The following CSPP1 variants were observed in gnomAD, a reference collection of about 807,000 sequenced individuals.
The protein encoded by CSPP1 is centrosome and spindle pole associated protein 1.
A neutral mutation model predicts 164.4 loss-of-function variants in CSPP1; 126 were observed. The observed-to-expected ratio is 0.77, with a 90% CI of 0.66 to 0.89. CSPP1 has a LOEUF of 0.89. Ranked by LOEUF, CSPP1 falls within the 40% of genes least tolerant of loss-of-function variation. CSPP1 has a pLI of 0.00. For missense variants in CSPP1, 1,395 were observed against 1,449.8 expected, an observed-to-expected ratio of 0.96 and a Z score of 0.61; for synonymous variants, 472 against 476.7, an observed-to-expected ratio of 0.99 and a Z score of 0.13.
intron 12 of CSPP1, among the ~76,000 whole-genome samples, chr8:67,115,433 A>G (rs773304371): frequency 2.0e-5 from 3 of 152,140 alleles, no homozygotes; most frequent in Non-Finnish European, 1.5e-5. Context: ...TAATTCCAGC[A>G]CTCTGGGAGG....
At chr8:67,124,524 A>G (rs984472509) in intron 15 of CSPP1, among the ~76,000 whole-genome samples, 18 of 152,132 alleles carry the variant, frequency 1.2e-4, no homozygotes, top group African/African-American at 4.3e-4. Context: ...TTTTTGAGAT[A>G]GGGTCTTACT....
At chr8:67,086,718 ATGTT>A (rs1170469473) in intron 4 of CSPP1, 9 of 485,014 alleles carry the variant, frequency 1.9e-5, no homozygotes, top group Non-Finnish European at 3.4e-5. Flanking sequence ...TTACTGCTTT[ATGTT>A]TGTTCCAAGT....
chr8:67,160,379 C>T (rs1459106470), intron 21 of CSPP1, among the ~76,000 whole-genome samples: 4 of 150,972 alleles, frequency 2.6e-5, no homozygotes, highest in South Asian at 2.1e-4. Context: ...GCAAGAGAAT[C>T]GCCTGAACTT....
Position 67,095,608 on chromosome 8 carries a change from C to A in CSPP1, c.799C>A (p.Arg267Ser), listed in dbSNP as rs114953032. Residue 267 changes from arginine to serine, a missense_variant, in exon 7 of 31, where the codon CGT becomes AGT. Physicochemically the swap from Arg to Ser is moderately radical, Grantham distance 110 (BLOSUM62 -1). Coordinates refer to ENST00000678616, the MANE Select transcript of CSPP1 (RefSeq NM_001382391.1). The stretch of plus-strand genomic sequence containing the variant: ...AAGATTTCACAGATTTAATGAGGAT[C>A]GTGTTTTTGATAGACGGTATCATAG... ...DRRFHRFNED[R>S]VFDRRYHRPD... The A allele has an allele frequency of 6.2e-7, 1 of 1,613,710 alleles. No individual in the cohort carries two copies. Among genetic ancestry groups the A allele is most frequent in the East Asian group, 2.2e-5 (1 of 44,852 alleles).
At chr8:67,085,887 C>T in intron 3 of CSPP1, 120 bp from the exon 4 acceptor site, 1 of 616,788 alleles carries the variant, frequency 1.6e-6, no homozygotes. Context: ...AAAAACTTAC[C>T]CTAATCCTAC....
At chr8:67,179,967 T>G (rs1586789557) in intron 28 of CSPP1, 41 bp downstream of exon 28, 1 of 1,163,164 alleles carries the variant, frequency 8.6e-7, no homozygotes, top group East Asian at 2.4e-5. Context: ...TGTTTAAATA[T>G]TAAACCTTTC....
intron 17 of CSPP1, among the ~76,000 whole-genome samples, chr8:67,146,893 A>T (rs1824701248): frequency 6.6e-6 from 1 of 152,248 alleles, no homozygotes. Context: ...TCTTGACCAA[A>T]GTGCCTTTTT....
chr8:67,111,166 A>G (rs1287818647), intron 9 of CSPP1, among the ~76,000 whole-genome samples: 1 of 152,172 alleles, frequency 6.6e-6, no homozygotes, highest in African/African-American at 2.4e-5. Context: ...CAGATCTTGC[A>G]TATTTAGATT....
intron 3 of CSPP1, among the ~76,000 whole-genome samples, chr8:67,081,358 A>C (rs1263857692): frequency 6.7e-6 from 1 of 149,546 alleles, no homozygotes; most frequent in Non-Finnish European, 1.5e-5. Flanking sequence ...CAAAGGATTC[A>C]ATTTTTTTTT....
At chr8:67,171,538 A>G (rs1830464312) in intron 24 of CSPP1, among the ~76,000 whole-genome samples, 1 of 151,870 alleles carries the variant, frequency 6.6e-6, no homozygotes. Context: ...ACACACTATC[A>G]TGCTTGACTA....
Position 67,113,880 on chromosome 8 carries a change from CT to C in CSPP1, c.1245+22del. On this transcript the variant is annotated intron_variant, in intron 11 of 30. Transcript: ENST00000678616. Reference sequence around the variant, plus strand: ...AGAAATCGGTAAGGGTTTCTGGCATCTTTTAATGTTTAATCTTTCATCAAAT... The same window carrying C: ...AGAAATCGGTAAGGGTTTCTGGCATCTTTAATGTTTAATCTTTCATCAAAT... The C allele has an allele frequency of 6.7e-7, 1 of 1,485,560 alleles. No homozygotes were observed. The highest frequency in any genetic ancestry group is 9.3e-7 in the Non-Finnish European group (1 of 1,072,730). The allele number at this position is 1,485,560 out of a possible 1,614,324, so 92.0% of individuals were successfully genotyped here.
chr8:67,069,005 A>G (rs1806159291), intron 1 of CSPP1: 1 of 152,204 alleles, frequency 6.6e-6, no homozygotes, highest in South Asian at 2.1e-4. Flanking sequence ...CCCCACTTCT[A>G]ACAGTGTTCA....
intron 17 of CSPP1, among the ~76,000 whole-genome samples, chr8:67,145,884 G>C (rs1215551381): frequency 2.0e-5 from 3 of 151,886 alleles, no homozygotes; most frequent in South Asian, 4.2e-4. Flanking sequence ...CTTATTTTCT[G>C]TGCATTTAAG....
intron 7 of CSPP1, among the ~76,000 whole-genome samples, chr8:67,097,939 G>A (rs140053548): frequency 7.3e-4 from 110 of 150,112 alleles, no homozygotes; most frequent in Admixed American, 2.7e-3. Context: ...TTTTTATTTC[G>A]TTTTTATATA....
In CSPP1 at chr8:67,149,831, C is replaced by T; in HGVS notation, c.2024C>T (p.Pro675Leu). 6.2e-7 allele frequency: 1 copy of T among 1,603,680 alleles called. No homozygotes were observed. Among genetic ancestry groups the T allele is most frequent in the Non-Finnish European group, 8.5e-7 (1 of 1,175,790 alleles). Residue 675 changes from proline to leucine, a missense_variant, in exon 18 of 31, where the codon CCA (proline) becomes CTA (leucine). Coordinates refer to ENST00000678616, the MANE Select transcript of CSPP1 (RefSeq NM_001382391.1). Reference protein sequence around the residue: ...HRQNIDAYHNPDARTYEDKRA... With the variant: ...HRQNIDAYHNLDARTYEDKRA... ...CAAAATATAGATGCCTACCATAACCCAGATGCAAGAACATATGAAGATAAA... is the reference window on the plus strand; with the variant it reads ...CAAAATATAGATGCCTACCATAACCTAGATGCAAGAACATATGAAGATAAA...
In CSPP1 at chr8:67,112,080, G is replaced by T; in HGVS notation, c.1187+15G>T. ...AACAAGAGACGGTAATGAAAGGTTT[G>T]CATTTAAAAGAGATATTTTGAGTTT... On this transcript the variant is annotated intron_variant, in intron 10 of 30. Transcript: ENST00000678616. 1 of 1,568,024 alleles carries T rather than the reference G, an allele frequency of 6.4e-7. No homozygotes were observed. The highest frequency in any genetic ancestry group is 1.1e-5 in the South Asian group (1 of 88,492).
At chr8:67,168,852 G>A (rs1394573797) in intron 24 of CSPP1, among the ~76,000 whole-genome samples, 2 of 152,162 alleles carry the variant, frequency 1.3e-5, no homozygotes, top group Non-Finnish European at 2.9e-5. Context: ...ATAACTATTA[G>A]CATTAATGGA....
intron 17 of CSPP1, among the ~76,000 whole-genome samples, chr8:67,139,285 A>G (rs1190778038): frequency 1.3e-5 from 2 of 152,202 alleles, no homozygotes; most frequent in Non-Finnish European, 2.9e-5. Flanking sequence ...AATCAAAACC[A>G]CAATGAGATA....
intron 18 of CSPP1, among the ~76,000 whole-genome samples, chr8:67,151,776 T>C (rs1239204369): frequency 6.6e-6 from 1 of 151,916 alleles, no homozygotes; most frequent in Non-Finnish European, 1.5e-5. Context: ...AATTCCCAAA[T>C]TAGACTTTTC....
Sources: allele counts gnomAD v4.1 joint callset (sites outside exome capture counted in the v4.1 genomes callset), GRCh38; gene constraint gnomAD v4.1.1; transcripts MANE v1.5; gene names NCBI Gene and HGNC (gene_info 2026-07-23, HGNC 2026-07-21).